NCAPD3: variants seen among roughly 807,000 people sequenced by gnomAD.
NCAPD3 encodes the protein non-SMC condensin II complex subunit D3, also known as condensin-2 complex subunit D3.
Under a neutral mutation model 182.9 loss-of-function variants are expected in NCAPD3, and 105 were observed. That is an observed-to-expected ratio of 0.57 (90% confidence interval 0.49 to 0.68). The LOEUF (loss-of-function observed/expected upper bound fraction) is 0.68. NCAPD3 is among the 30% of genes least tolerant of loss of function. The pLI, the probability that NCAPD3 is intolerant of heterozygous loss-of-function variation, is 0.00. For synonymous variants in NCAPD3, 815 were observed against 679.9 expected, an observed-to-expected ratio of 1.20 and a Z score of -3.09; for missense variants, 1,944 against 1,837.0, an observed-to-expected ratio of 1.06 and a Z score of -1.07.
At chr11:134,165,543 G>GA (rs1943752919) in intron 27 of NCAPD3, among the ~76,000 whole-genome samples, 1 of 149,138 alleles carries the variant, frequency 6.7e-6, no homozygotes. Context: ...TGAGCTTAGG[G>GA]GAGCAGCACA....
chr11:134,185,397 A>C lies in NCAPD3; in HGVS notation c.2175T>G (p.Ile725Met). The C allele has an allele frequency of 6.2e-7, 1 of 1,614,076 alleles. No individual in the cohort carries two copies. Among genetic ancestry groups the C allele is most frequent in the South Asian group, 1.1e-5 (1 of 91,066 alleles). The change falls in exon 17 of 35, where the codon ATT becomes ATG. Residue 725 changes from isoleucine to methionine, a missense_variant. Around this residue, in one of 3 missense-constraint regions of NCAPD3, gnomAD observed 1,803 missense variants for 1,674.6 expected, o/e 1.08. Coordinates refer to ENST00000534548, the MANE Select transcript of NCAPD3 (RefSeq NM_015261.3). ...AGTCCAGCCTGGGTGAGGAGCCAGCAATCTTGGAGAGCAGCATCCAGGCAG... is the reference window on the plus strand; with the variant it reads ...AGTCCAGCCTGGGTGAGGAGCCAGCCATCTTGGAGAGCAGCATCCAGGCAG... ...SAPAWMLLSK[I>M]AGSSPRLDYS...
chr11:134,158,680 G>T (rs565857458), intron 29 of NCAPD3, among the ~76,000 whole-genome samples, 185 bp from the exon 30 acceptor site: 76 of 152,164 alleles, frequency 5.0e-4, no homozygotes, highest in African/African-American at 1.7e-3. Context: ...CTTTGTGTTG[G>T]GAACATTCCA....
intron 16 of NCAPD3, among the ~76,000 whole-genome samples, chr11:134,191,837 A>T (rs2135995205): frequency 6.6e-6 from 1 of 152,298 alleles, no homozygotes; most frequent in South Asian, 2.1e-4. Context: ...GATGGAACCA[A>T]AGTCTCATAT....
intron 22 of NCAPD3, among the ~76,000 whole-genome samples, chr11:134,178,298 G>C (rs1436290463): frequency 6.6e-6 from 1 of 152,180 alleles, no homozygotes; most frequent in East Asian, 1.9e-4. Flanking sequence ...AAATATTACA[G>C]GAATATTCAA....
At chr11:134,179,978 T>C (rs1944259423) in intron 20 of NCAPD3, among the ~76,000 whole-genome samples, 1 of 151,922 alleles carries the variant, frequency 6.6e-6, no homozygotes, top group African/African-American at 2.4e-5. Flanking sequence ...TCTCCATATA[T>C]ATTTTGACTG....
intron 28 of NCAPD3, among the ~76,000 whole-genome samples, chr11:134,161,298 C>T (rs1943573123): frequency 1.3e-5 from 2 of 152,210 alleles, no homozygotes; most frequent in African/African-American, 4.8e-5. Flanking sequence ...TCCGACTGAG[C>T]TCCTCATGGT....
In NCAPD3 at chr11:134,216,993, A is replaced by G. The variant is rs1938050531; in HGVS notation, c.325T>C (p.Tyr109His). The G allele has an allele frequency of 1.2e-6, 2 of 1,613,932 alleles. No homozygotes were observed. The highest frequency in any genetic ancestry group is 2.7e-5 in the African/African-American group (2 of 74,956). The change falls in exon 3 of 35, where the codon TAT becomes CAT. Residue 109 changes from tyrosine to histidine, a missense_variant. Physicochemically the swap from Tyr to His is moderately conservative, Grantham distance 83. Transcript: ENST00000534548. ...IVHKKNVSVQ[Y>H]REYGLHAAGL... ...GCGGCATGAAGGCCATATTCTCGAT[A>G]CTGTACACTGACATTCTTCTTATGA...
chr11:134,170,946 C>G (rs1223407095), intron 24 of NCAPD3, among the ~76,000 whole-genome samples: 1 of 152,208 alleles, frequency 6.6e-6, no homozygotes, highest in Non-Finnish European at 1.5e-5. Context: ...TGCACAAATC[C>G]TGCAAGCTTC....
At chr11:134,163,100 T>A (rs190436341) in intron 27 of NCAPD3, among the ~76,000 whole-genome samples, 1 of 151,848 alleles carries the variant, frequency 6.6e-6, no homozygotes, top group African/African-American at 2.4e-5. Flanking sequence ...GAGGGAGGTA[T>A]GGGAAAGGTG....
rs1937618534 is a variant in NCAPD3 at position 134,206,502 on chromosome 11, AGAAATT to A, written c.1016+91_1016+96del. The A allele has an allele frequency of 1.3e-5, 19 of 1,507,440 alleles. No homozygotes were observed. In the Admixed American group the frequency reaches 4.0e-4, roughly 32 times the overall value. The allele number at this position is 1,507,440 out of a possible 1,614,324, so 93.4% of individuals were successfully genotyped here. A position where few individuals can be genotyped will look rare whatever the true frequency, so the allele number is the denominator to read the frequency against. ...TCACCCCCAAAACCACCATCAGGCC[AGAAATT>A]TTAAGTCTACATGTATCAGAAATCT... On this transcript the variant is annotated intron_variant, in intron 8 of 34. Coordinates refer to ENST00000534548, the MANE Select transcript of NCAPD3 (RefSeq NM_015261.3).
chr11:134,179,314 T>C (rs1944241286), intron 20 of NCAPD3, among the ~76,000 whole-genome samples: 1 of 152,230 alleles, frequency 6.6e-6, no homozygotes, highest in South Asian at 2.1e-4. Context: ...TTTCAAAGTA[T>C]TTCTATAGTC....
chr11:134,205,222 A>G (rs770773625), intron 8 of NCAPD3, among the ~76,000 whole-genome samples: 4 of 152,214 alleles, frequency 2.6e-5, no homozygotes, highest in Non-Finnish European at 4.4e-5. Flanking sequence ...TAATCTTCAT[A>G]CAATTCTTTT....
chr11:134,199,054 T>C (rs1366186260), intron 13 of NCAPD3, among the ~76,000 whole-genome samples: 2 of 152,042 alleles, frequency 1.3e-5, no homozygotes, highest in Non-Finnish European at 2.9e-5. Flanking sequence ...AAATCCAAGA[T>C]GGCTTTTTTT....
chr11:134,154,477 A>AC (rs376790927), intron 32 of NCAPD3, among the ~76,000 whole-genome samples: 2,791 of 75,580 alleles, frequency 0.037, 367 homozygotes, highest in South Asian at 0.05. Context: ...GCTTCTCTGC[A>AC]CCCCCCCCCC....
intron 19 of NCAPD3, among the ~76,000 whole-genome samples, chr11:134,181,490 T>C (rs1369375870): frequency 6.6e-6 from 1 of 152,220 alleles, no homozygotes; most frequent in Non-Finnish European, 1.5e-5. Flanking sequence ...TTGTAAGAGA[T>C]CTATAATAGT....
At position 134,152,922 on chromosome 11, in the gene NCAPD3, G is replaced by A; in HGVS notation, c.*22C>T. 1 of 1,508,418 alleles carries A rather than the reference G, an allele frequency of 6.6e-7. No individual in the cohort carries two copies. Among genetic ancestry groups the A allele is most frequent in the African/African-American group, 1.4e-5 (1 of 71,558 alleles). 93.4% of individuals were successfully genotyped at this position (1,508,418 alleles called of 1,614,324 possible). ...CTTCCTCAAGGGCTCCTGCCTGCCT[G>A]GACACTGGTGGGAGGCGCTGTTTAG... On this transcript the variant is annotated 3_prime_UTR_variant, in exon 35 of 35. Coordinates refer to ENST00000534548, the MANE Select transcript of NCAPD3 (RefSeq NM_015261.3).
In NCAPD3 at chr11:134,177,323, T is replaced by C. The variant is rs1944193052; in HGVS notation, c.2917A>G (p.Thr973Ala). 6.2e-7 allele frequency: 1 copy of C among 1,614,234 alleles called. No individual in the cohort carries two copies. Among genetic ancestry groups the C allele is most frequent in the Non-Finnish European group, 8.5e-7 (1 of 1,180,034 alleles). ...IVMCDLCIRY[T>A]IMVDKYIPNI... ...GGAATATACTTGTCCACCATGATGG[T>C]GTAGCGAATGCAGAGATCGCACATT... The change falls in exon 23 of 35, where the codon ACC becomes GCC. Residue 973 changes from threonine to alanine, a missense_variant. By Grantham distance (58) the Thr-to-Ala change is moderately conservative. Transcript: ENST00000534548.
At chr11:134,158,256 G>C in intron 30 of NCAPD3, 73 bp downstream of exon 30, 1 of 1,582,022 alleles carries the variant, frequency 6.3e-7, no homozygotes, top group Non-Finnish European at 8.6e-7. Context: ...CCCACGCTTG[G>C]GAATGGCAGG....
intron 16 of NCAPD3, among the ~76,000 whole-genome samples, chr11:134,187,014 T>A (rs1944421835): frequency 6.6e-6 from 1 of 152,180 alleles, no homozygotes; most frequent in Admixed American, 6.5e-5. Flanking sequence ...CCAACAGAAT[T>A]GGGAAAAAAT....
Sources: gnomAD v4.1 joint callset for allele counts (sites outside exome capture counted in the v4.1 genomes callset) on GRCh38, gnomAD v4.1.1 for gene constraint, gnomAD v4.1.1 regional missense constraint, MANE v1.5 for transcripts, NCBI Gene and HGNC (gene_info 2026-07-23, HGNC 2026-07-21) for gene names.